Variants in FBXW7 observed in about 807,000 individuals in gnomAD.
FBXW7 encodes the protein F-box/WD repeat-containing protein 7.
Under a neutral mutation model 86.3 loss-of-function variants are expected in FBXW7, and 11 were observed. The observed-to-expected ratio is 0.13, with a 90% CI of 0.08 to 0.21. The LOEUF is 0.21. Among genes scored for constraint, FBXW7 ranks in the 10% least tolerant of loss-of-function variants. FBXW7 has a pLI of 1.00. For synonymous variants in FBXW7, 313 were observed against 297.9 expected (o/e 1.05, Z -0.52); for missense variants, 488 against 847.4 (o/e 0.58, Z 5.27).
intron 6 of FBXW7, among the ~76,000 whole-genome samples, chr4:152,340,498 G>C (rs2465522): frequency 6.9e-6 from 1 of 145,194 alleles, no homozygotes; most frequent in Non-Finnish European, 1.5e-5. Context: ...AGAATGGCGT[G>C]AACCCGGGAG....
intron 6 of FBXW7, among the ~76,000 whole-genome samples, chr4:152,338,527 A>G (rs1730389813): frequency 6.6e-6 from 1 of 152,104 alleles, no homozygotes; most frequent in African/African-American, 2.4e-5. Context: ...AGAAAATAGT[A>G]GCTGATAGTG....
At chr4:152,438,359 C>A (rs939891647) in intron 2 of FBXW7, among the ~76,000 whole-genome samples, 9 of 151,920 alleles carry the variant, frequency 5.9e-5, no homozygotes, top group Admixed American at 2.0e-4. Flanking sequence ...AGAACCAAAT[C>A]CATGGTATCT....
intron 2 of FBXW7, among the ~76,000 whole-genome samples, chr4:152,421,419 T>C (rs576812507): frequency 7.9e-5 from 12 of 152,304 alleles, no homozygotes; most frequent in African/African-American, 2.6e-4. Flanking sequence ...ACTTTTCAGC[T>C]GGGTGTAGTG....
intron 2 of FBXW7, among the ~76,000 whole-genome samples, chr4:152,434,967 C>A (rs941878594): frequency 3.3e-5 from 5 of 151,062 alleles, no homozygotes; most frequent in East Asian, 1.9e-4. Context: ...CTCCCCCCCC[C>A]CCACACACAA....
intron 2 of FBXW7, among the ~76,000 whole-genome samples, chr4:152,513,384 G>A (rs554290657): frequency 1.4e-4 from 21 of 152,250 alleles, no homozygotes; most frequent in African/African-American, 3.4e-4. Flanking sequence ...CCCTAATCCA[G>A]GGAAGCACCA....
At chr4:152,381,708 T>C (rs530755084) in intron 4 of FBXW7, among the ~76,000 whole-genome samples, 126 of 152,180 alleles carry the variant, frequency 8.3e-4, no homozygotes, top group Non-Finnish European at 1.2e-3. Flanking sequence ...CAGCAAAAAG[T>C]AGTGTTCCTA....
intron 2 of FBXW7, among the ~76,000 whole-genome samples, chr4:152,479,266 T>C (rs1396859544): frequency 6.6e-6 from 1 of 152,070 alleles, no homozygotes; most frequent in African/African-American, 2.4e-5. Context: ...TTAAAACAAG[T>C]CTTACAAAGT....
rs1169750259 is a variant in FBXW7 at position 152,535,536 on chromosome 4, T to A, written c.-622A>T. On this transcript the variant is annotated 5_prime_UTR_variant, in exon 1 of 14. It removes an upstream start codon present in the reference 5' UTR. Transcript: ENST00000281708. The stretch of plus-strand genomic sequence containing the variant: ...CGAGCTTGGTTGGGGCCCCGGTTCA[T>A]ACACTCCGGGGCAAGATGCTACGGC... 2 of 393,404 alleles carry A rather than the reference T, an allele frequency of 5.1e-6. No individual in the cohort carries two copies. Among genetic ancestry groups the A allele is most frequent in the South Asian group, 1.3e-4 (1 of 7,762 alleles). The allele number at this position is 393,404 out of a possible 1,614,324, so 24.4% of individuals were successfully genotyped here. A position where few individuals can be genotyped will look rare whatever the true frequency, so the allele number is the denominator to read the frequency against.
intron 4 of FBXW7, among the ~76,000 whole-genome samples, chr4:152,363,181 C>G (rs1197010044): frequency 6.6e-6 from 1 of 152,064 alleles, no homozygotes; most frequent in African/African-American, 2.4e-5. Context: ...CAGTCTCATC[C>G]AAATGAATCC....
chr4:152,521,176 C>A (rs948568494), intron 2 of FBXW7, among the ~76,000 whole-genome samples: 1 of 151,768 alleles, frequency 6.6e-6, no homozygotes, highest in African/African-American at 2.4e-5. Context: ...ACTGAGAGAT[C>A]AGTAGAAAAG....
At chr4:152,347,176 TG>T (rs1731357287) in intron 5 of FBXW7, 105 bp from the exon 6 acceptor site, 1 of 928,544 alleles carries the variant, frequency 1.1e-6, no homozygotes, top group African/African-American at 1.7e-5. Context: ...CAAAGAATGA[TG>T]ATCTGGCATA....
chr4:152,493,819 G>T (rs991532769), intron 2 of FBXW7, among the ~76,000 whole-genome samples: 2 of 152,204 alleles, frequency 1.3e-5, no homozygotes, highest in Non-Finnish European at 2.9e-5. Flanking sequence ...AAGCCACCCA[G>T]TCTGTGGTAT....
chr4:152,497,374 C>CACACACACACAG (rs1240252269), intron 2 of FBXW7, among the ~76,000 whole-genome samples: 113 of 143,712 alleles, frequency 7.9e-4, no homozygotes, highest in Admixed American at 5.3e-3. Flanking sequence ...CACACACACA[C>CACACACACACAG]ACTATGAGAT....
chr4:152,511,531 T>C (rs1408512038), intron 2 of FBXW7, among the ~76,000 whole-genome samples: 1 of 152,200 alleles, frequency 6.6e-6, no homozygotes, highest in Non-Finnish European at 1.5e-5. Context: ...GAAATTATCC[T>C]GCAGAAATAT....
intron 4 of FBXW7, among the ~76,000 whole-genome samples, chr4:152,379,663 G>A (rs1029569292): frequency 3.3e-5 from 5 of 151,988 alleles, no homozygotes; most frequent in African/African-American, 4.8e-5. Flanking sequence ...GATTACAGGC[G>A]TGACCCACCA....
intron 4 of FBXW7, among the ~76,000 whole-genome samples, chr4:152,354,875 C>T (rs1422820814): frequency 1.3e-5 from 2 of 152,130 alleles, no homozygotes; most frequent in African/African-American, 4.8e-5. Flanking sequence ...AGTCTTTCTA[C>T]TACCACATAT....
chr4:152,400,087 T>C (rs1266008556), intron 4 of FBXW7, among the ~76,000 whole-genome samples: 1 of 152,162 alleles, frequency 6.6e-6, no homozygotes, highest in Non-Finnish European at 1.5e-5. Context: ...CAGTGTGGTA[T>C]TGGTGAAAGA....
Position 152,408,597 on chromosome 4 carries a change from A to G in FBXW7, c.501+2706T>C, listed in dbSNP as rs141455376. Among the ~76,000 whole-genome samples, 1,125 of 152,352 alleles carry G rather than the reference A, an allele frequency of 7.4e-3. 8 individuals are homozygous for G. The highest frequency in any genetic ancestry group is 0.034 in the Middle Eastern group (10 of 294). ...TAAGTGCCACAAAGAAAAGTAGTTA[A>G]CTGAGCCCTCTGTCCTTTCTATAGG... On this transcript the variant is annotated intron_variant, in intron 4 of 13. Coordinates refer to ENST00000281708, the MANE Select transcript of FBXW7 (RefSeq NM_001349798.2).
intron 2 of FBXW7, among the ~76,000 whole-genome samples, chr4:152,505,206 T>C (rs1747300357): frequency 6.6e-6 from 1 of 152,150 alleles, no homozygotes. Flanking sequence ...TGCATCTGTA[T>C]CATAAATTAA....
Sources: allele counts gnomAD v4.1 joint callset (sites outside exome capture counted in the v4.1 genomes callset), GRCh38; gene constraint gnomAD v4.1.1; transcripts MANE v1.5; gene names NCBI Gene and HGNC (gene_info 2026-07-23, HGNC 2026-07-21).